TMCO6: variants seen among roughly 807,000 people sequenced by gnomAD.
The protein encoded by TMCO6 is transmembrane and coiled-coil domain-containing protein 6.
In TMCO6, 47 loss-of-function variants were observed where a neutral mutation model predicts 61.8. The observed-to-expected ratio is 0.76, with a 90% CI of 0.60 to 0.97. TMCO6 has a LOEUF of 0.97. Ranked by LOEUF, TMCO6 falls within the 50% of genes least tolerant of loss-of-function variation. TMCO6 has a pLI of 0.00. For missense variants in TMCO6, 557 were observed against 601.6 expected (o/e 0.93, Z 0.78); for synonymous variants, 261 against 254.2 (o/e 1.03, Z -0.25).
downstream of TMCO6, chr5:140,645,838 G>A: frequency 7.8e-7 from 1 of 1,275,788 alleles, no homozygotes; most frequent in South Asian, 1.3e-5. Context: ...TAATACAATA[G>A]GTCTCAAACA....
At chr5:140,644,540 T>C (rs909608014) in intron 10 of TMCO6, 33 bp from the exon 11 acceptor site, 1 of 1,604,232 alleles carries the variant, frequency 6.2e-7, no homozygotes, top group African/African-American at 1.3e-5. Context: ...TTGTGTTTCA[T>C]TCTTTGTAGA....
the TMCO6 span, among the ~76,000 whole-genome samples, chr5:140,603,641 A>C: frequency 6.6e-6 from 1 of 151,108 alleles, no homozygotes; most frequent in Non-Finnish European, 1.5e-5. Flanking sequence ...CATTAGTTTA[A>C]AGTTCATCCA....
chr5:140,625,025 C>T, the TMCO6 span, among the ~76,000 whole-genome samples: 12 of 151,242 alleles, frequency 7.9e-5, no homozygotes, highest in East Asian at 1.2e-3. Context: ...GGCTAATTTT[C>T]GTATTTTTAG....
At chr5:140,647,422 G>T, downstream of TMCO6, 1 of 1,609,814 alleles carries the variant, frequency 6.2e-7, no homozygotes, top group Non-Finnish European at 8.5e-7. Context: ...CAACTTCAGG[G>T]AGGTCGAGGT....
the TMCO6 span, among the ~76,000 whole-genome samples, chr5:140,610,539 A>G: frequency 6.6e-6 from 1 of 152,222 alleles, no homozygotes; most frequent in Non-Finnish European, 1.5e-5. Flanking sequence ...TGTGCATTCT[A>G]AGTGTATTGA....
Position 140,642,628 on chromosome 5 carries a change from T to A in TMCO6, c.646T>A (p.Ser216Thr), listed in dbSNP as rs1293543642. Residue 216 changes from serine (S) to threonine (T), a missense_variant, in exon 6 of 12, where the codon TCC (serine) becomes ACC (threonine). Ser to Thr is a moderately conservative substitution (Grantham distance 58, BLOSUM62 1). Transcript: ENST00000394671. ...AVLEALGYAL[S>T]QLLQAEEAPE... is the part of the protein sequence containing the mutation. ...GCTGGAAGCTCTCGGATATGCCTTG[T>A]CCCAGCTTCTACAGGCTGAGGAAGC... The A allele has an allele frequency of 3.1e-6, 5 of 1,614,236 alleles. No individual in the cohort carries two copies. The South Asian group carries it at 5.5e-5, about 18-fold the overall frequency.
At chr5:140,644,269 G>A (rs770232969) in intron 10 of TMCO6, 75 bp downstream of exon 10, 43 of 1,493,644 alleles carry the variant, frequency 2.9e-5, no homozygotes, top group Admixed American at 1.2e-4. Context: ...GCCCTCAGAT[G>A]TACCCTTAGT....
rs202199563 is a variant in TMCO6 at position 140,645,044 on chromosome 5, G to C, written c.1428G>C (p.Glu476Asp). The C allele has an allele frequency of 6.2e-7, 1 of 1,614,238 alleles. No individual in the cohort carries two copies. The highest frequency in any genetic ancestry group is 2.2e-5 in the East Asian group (1 of 44,882). ...AAGCCCTGGAAAGGCATCAGGAAGA[G>C]GCCCAGCTCCAGGATCGTGTGTATG... Reference protein sequence around the residue: ...GLQALERHQEEAQLQDRVYAL... With the variant: ...GLQALERHQEDAQLQDRVYAL... Residue 476 changes from glutamate (E) to aspartate (D), a missense_variant, in exon 12 of 12, where the codon GAG becomes GAC. Coordinates refer to ENST00000394671, the MANE Select transcript of TMCO6 (RefSeq NM_018502.5).
upstream of TMCO6, among the ~76,000 whole-genome samples, chr5:140,634,887 A>T (rs1251436088): frequency 6.6e-6 from 1 of 152,128 alleles, no homozygotes; most frequent in African/African-American, 2.4e-5. Flanking sequence ...GGTTCCAGCA[A>T]TTCTCCTGCC....
At position 140,639,477 on chromosome 5, in the gene TMCO6, T is replaced by G; in HGVS notation, c.-51T>G. 2 of 1,522,560 alleles carry G rather than the reference T, an allele frequency of 1.3e-6. No individual in the cohort carries two copies. Among genetic ancestry groups the G allele is most frequent in the Non-Finnish European group, 1.8e-6 (2 of 1,122,926 alleles). The allele number at this position is 1,522,560 out of a possible 1,614,324, so 94.3% of individuals were successfully genotyped here. A position where few individuals can be genotyped will look rare whatever the true frequency, so the allele number is the denominator to read the frequency against. On this transcript the variant is annotated 5_prime_UTR_variant, in exon 1 of 12. Transcript: ENST00000394671. Reference sequence around the variant, plus strand: ...CAGTCGGTGCCATCTTCTACGCCCCTGGGAGCGTTGTGGCTGCTGTTTCCT... The same window carrying G: ...CAGTCGGTGCCATCTTCTACGCCCCGGGGAGCGTTGTGGCTGCTGTTTCCT...
In TMCO6 at chr5:140,639,625, G is replaced by A. The variant is rs983430972; in HGVS notation, c.85+13G>A. 1.9e-6 allele frequency: 3 copies of A among 1,540,850 alleles called. No individual in the cohort carries two copies. The highest frequency in any genetic ancestry group is 2.6e-6 in the Non-Finnish European group (3 of 1,141,462). On this transcript the variant is annotated intron_variant, in intron 1 of 11. Coordinates refer to ENST00000394671, the MANE Select transcript of TMCO6 (RefSeq NM_018502.5). ...GAGCGGGAGGCAGGTGTGGGCGGCC[G>A]AGGGAGCGCGGGGGTATATGGCGGT...
the TMCO6 span, among the ~76,000 whole-genome samples, chr5:140,599,099 C>G: frequency 6.6e-6 from 1 of 152,226 alleles, no homozygotes; most frequent in African/African-American, 2.4e-5. Flanking sequence ...TTCTCTGTCT[C>G]TCTTGCTGGC....
In TMCO6 at chr5:140,642,592, C is replaced by G. The variant is rs199968038; in HGVS notation, c.610C>G (p.His204Asp). ...PALAACIQSP[H>D]VAVLEALGYA... ...TTACCCTGTCTACTTCCAGTCCCCC[C>G]ATGTGGCTGTGCTGGAAGCTCTCGG... The change falls in exon 6 of 12, where the codon CAT (histidine) becomes GAT (aspartate). Residue 204 changes from histidine (H) to aspartate (D), a missense_variant. Physicochemically the swap from His to Asp is moderately conservative, Grantham distance 81. Transcript: ENST00000394671. 606 of 1,614,230 alleles carry G rather than the reference C, an allele frequency of 3.8e-4. No individual in the cohort carries two copies. The highest frequency in any genetic ancestry group is 4.9e-4 in the Non-Finnish European group (577 of 1,180,038).
At chr5:140,613,841 G>A in the TMCO6 span, among the ~76,000 whole-genome samples, 2 of 151,938 alleles carry the variant, frequency 1.3e-5, no homozygotes, top group African/African-American at 4.8e-5. Flanking sequence ...CCAAAGCACA[G>A]GGATTACAGG....
the TMCO6 span, among the ~76,000 whole-genome samples, chr5:140,596,563 C>G: frequency 6.6e-6 from 1 of 152,116 alleles, no homozygotes; most frequent in Admixed American, 6.6e-5. Context: ...TTGAACTGAC[C>G]CAGTTCTCTC....
At position 140,643,943 on chromosome 5, in the gene TMCO6, T is replaced by G; in HGVS notation, c.1082T>G (p.Leu361Arg). Residue 361 changes from leucine to arginine, a missense_variant, in exon 9 of 12, where the codon CTT becomes CGT. Coordinates refer to ENST00000394671, the MANE Select transcript of TMCO6 (RefSeq NM_018502.5). ...QKQPSLLPEG[L>R]WLLNNLTANS... is the part of the protein sequence containing the mutation. The stretch of plus-strand genomic sequence containing the variant: ...CAGCCCAGTCTGCTCCCTGAGGGCC[T>G]TTGGCTCCTCAACAACCTCACTGGT... 6.2e-7 allele frequency: 1 copy of G among 1,614,232 alleles called. No homozygotes were observed. The highest frequency in any genetic ancestry group is 8.5e-7 in the Non-Finnish European group (1 of 1,180,030).
At chr5:140,606,095 C>G in the TMCO6 span, among the ~76,000 whole-genome samples, 1 of 144,890 alleles carries the variant, frequency 6.9e-6, no homozygotes, top group South Asian at 2.4e-4. Context: ...CCCTTCCCCC[C>G]CTTCTTTTCC....
At chr5:140,628,470 A>G in the TMCO6 span, among the ~76,000 whole-genome samples, 1 of 149,472 alleles carries the variant, frequency 6.7e-6, no homozygotes, top group Non-Finnish European at 1.5e-5. Flanking sequence ...ACAGAGTCTC[A>G]CTCTGTCACC....
the TMCO6 span, among the ~76,000 whole-genome samples, chr5:140,601,101 C>CT: frequency 6.6e-6 from 1 of 152,302 alleles, no homozygotes; most frequent in Non-Finnish European, 1.5e-5. Flanking sequence ...TCTAAACACT[C>CT]TATTTTTATC....
Sources: gnomAD v4.1 joint callset for allele counts (sites outside exome capture counted in the v4.1 genomes callset) on GRCh38, gnomAD v4.1.1 for gene constraint, MANE v1.5 for transcripts, NCBI Gene and HGNC (gene_info 2026-07-23, HGNC 2026-07-21) for gene names.